LDLRAD4: variants seen among roughly 807,000 people sequenced by gnomAD.
The protein encoded by LDLRAD4 is low-density lipoprotein receptor class A domain-containing protein 4.
Under a neutral mutation model 17.0 loss-of-function variants are expected in LDLRAD4, and 5 were observed. The ratio of observed to expected loss-of-function variants is 0.29; its 90% CI spans 0.15 to 0.62. LDLRAD4 has a LOEUF of 0.62. Among genes scored for constraint, LDLRAD4 ranks in the 20% least tolerant of loss-of-function variants. The pLI is 0.84. For missense variants in LDLRAD4, 340 were observed against 424.7 expected, an observed-to-expected ratio of 0.80 and a Z score of 1.75; for synonymous variants, 168 against 171.8, an observed-to-expected ratio of 0.98 and a Z score of 0.17.
intron 3 of LDLRAD4, among the ~76,000 whole-genome samples, chr18:13,591,769 T>C (rs552429982): frequency 6.6e-6 from 1 of 152,342 alleles, no homozygotes; most frequent in East Asian, 1.9e-4. Context: ...ATGGAGCCAG[T>C]GTAGAACTAA....
At position 13,386,903 on chromosome 18, in the gene LDLRAD4, GATA is replaced by G. The variant is rs2085855263; in HGVS notation, c.-382-437_-382-435del. 1.8e-4 allele frequency among the ~76,000 whole-genome samples: 7 copies of G among 38,700 alleles called. No homozygotes were observed. In the South Asian group the frequency reaches 6.0e-3, roughly 33 times the overall value. The allele number at this position is 38,700 out of a possible 152,430, so 25.4% of individuals were successfully genotyped here. On this transcript the variant is annotated intron_variant, in intron 1 of 5. Coordinates refer to ENST00000359446, the Ensembl canonical transcript of LDLRAD4. ...AGACCCTGTCATTCATAGATAGATA[GATA>G]GATAGATAGATAGATAGATAGATAG...
chr18:13,623,074 T>C (rs568920766), intron 4 of LDLRAD4, among the ~76,000 whole-genome samples: 1 of 152,208 alleles, frequency 6.6e-6, no homozygotes, highest in Non-Finnish European at 1.5e-5. Context: ...TCATAGCACC[T>C]TGTGTCCTGA....
At chr18:13,343,669 C>A (rs1477930232) in intron 1 of LDLRAD4, among the ~76,000 whole-genome samples, 1 of 152,190 alleles carries the variant, frequency 6.6e-6, no homozygotes, top group Admixed American at 6.5e-5. Context: ...CTGACTTCCA[C>A]AATGGTTGAA....
chr18:13,469,258 A>C (rs2092705788), intron 3 of LDLRAD4, among the ~76,000 whole-genome samples: 1 of 152,246 alleles, frequency 6.6e-6, no homozygotes, highest in African/African-American at 2.4e-5. Context: ...GATGTGGAGA[A>C]ATTGGAACCC....
chr18:13,513,333 A>G (rs938669395), intron 3 of LDLRAD4, among the ~76,000 whole-genome samples: 1 of 152,244 alleles, frequency 6.6e-6, no homozygotes, highest in Non-Finnish European at 1.5e-5. Flanking sequence ...GAACACATTT[A>G]GAGATCAGTA....
chr18:13,319,515 T>C (rs2081108985), intron 1 of LDLRAD4, among the ~76,000 whole-genome samples: 1 of 152,224 alleles, frequency 6.6e-6, no homozygotes, highest in Non-Finnish European at 1.5e-5. Flanking sequence ...TCATTAAGCA[T>C]TTGGAACACT....
At chr18:13,296,099 C>G (rs1206296822) in intron 1 of LDLRAD4, among the ~76,000 whole-genome samples, 1 of 152,264 alleles carries the variant, frequency 6.6e-6, no homozygotes, top group African/African-American at 2.4e-5. Context: ...GCGGGCATCT[C>G]TCGTGCATCC....
At chr18:13,253,298 T>C (rs899509671) in intron 1 of LDLRAD4, among the ~76,000 whole-genome samples, 1 of 152,038 alleles carries the variant, frequency 6.6e-6, no homozygotes, top group Non-Finnish European at 1.5e-5. Flanking sequence ...TGATCGGCTG[T>C]GGTGGGGAAG....
chr18:13,346,677 T>C (rs529068923), intron 1 of LDLRAD4, among the ~76,000 whole-genome samples: 1 of 152,256 alleles, frequency 6.6e-6, no homozygotes, highest in East Asian at 1.9e-4. Flanking sequence ...GACAGTGGGG[T>C]GTTAAAGTCT....
chr18:13,568,566 C>T (rs537006205), intron 3 of LDLRAD4, among the ~76,000 whole-genome samples: 11 of 152,206 alleles, frequency 7.2e-5, no homozygotes, highest in Non-Finnish European at 1.6e-4. Context: ...GTCCCACACA[C>T]CGCTTCTGCC....
chr18:13,563,672 G>A (rs948209756), intron 3 of LDLRAD4, among the ~76,000 whole-genome samples: 4 of 152,182 alleles, frequency 2.6e-5, no homozygotes, highest in African/African-American at 9.7e-5. Context: ...AGCTAGGAGT[G>A]CTGATAAACG....
At chr18:13,377,817 A>G (rs940535820) in intron 1 of LDLRAD4, among the ~76,000 whole-genome samples, 1 of 152,234 alleles carries the variant, frequency 6.6e-6, no homozygotes, top group Non-Finnish European at 1.5e-5. Flanking sequence ...TCGCAGGCCC[A>G]TCCCAGACAA....
chr18:13,652,557 T>A (rs2043291257), exon 6 of LDLRAD4: 2 of 152,658 alleles, frequency 1.3e-5, no homozygotes, highest in South Asian at 4.1e-4. Flanking sequence ...AGAAAAAGAT[T>A]TCCACCTGTC....
chr18:13,540,580 CAG>C (rs2094265214), intron 3 of LDLRAD4, among the ~76,000 whole-genome samples: 1 of 152,174 alleles, frequency 6.6e-6, no homozygotes, highest in Admixed American at 6.5e-5. Context: ...ACAGCCTTTT[CAG>C]AGAGTTCCGT....
chr18:13,244,421 A>T (rs2042856072), intron 1 of LDLRAD4, among the ~76,000 whole-genome samples: 2 of 152,154 alleles, frequency 1.3e-5, no homozygotes, highest in Middle Eastern at 3.4e-3. Context: ...ACATCCATTC[A>T]TCCTGCCCAT....
At chr18:13,550,449 C>A (rs2094420148) in intron 3 of LDLRAD4, among the ~76,000 whole-genome samples, 1 of 152,134 alleles carries the variant, frequency 6.6e-6, no homozygotes, top group Non-Finnish European at 1.5e-5. Flanking sequence ...AGACGTAATA[C>A]TGGGAGCTGC....
chr18:13,329,404 A>C (rs780822516), intron 1 of LDLRAD4, among the ~76,000 whole-genome samples: 1 of 152,196 alleles, frequency 6.6e-6, no homozygotes, highest in South Asian at 2.1e-4. Context: ...TTTTATTATG[A>C]GTGAGGTTGT....
At chr18:13,393,218 G>A (rs1332994875) in intron 2 of LDLRAD4, among the ~76,000 whole-genome samples, 1 of 152,216 alleles carries the variant, frequency 6.6e-6, no homozygotes, top group Non-Finnish European at 1.5e-5. Context: ...CTCGCTTTAG[G>A]AGATATTGAG....
chr18:13,612,807 A>C (rs770945963), intron 3 of LDLRAD4: 2 of 1,613,230 alleles, frequency 1.2e-6, no homozygotes, highest in African/African-American at 2.7e-5. Flanking sequence ...TGGATGATGC[A>C]TGCTCTTTCG....
Sources: allele counts gnomAD v4.1 joint callset (sites outside exome capture counted in the v4.1 genomes callset), GRCh38; gene constraint gnomAD v4.1.1; transcripts MANE v1.5; gene names NCBI Gene and HGNC (gene_info 2026-07-23, HGNC 2026-07-21).